Variants in RBFOX1 observed in about 807,000 individuals in gnomAD.
The protein encoded by RBFOX1 is RNA binding protein fox-1 homolog 1.
A neutral mutation model predicts 57.7 loss-of-function variants in RBFOX1; 8 were observed. The observed-to-expected ratio is 0.14, with a 90% confidence interval of 0.08 to 0.25. The LOEUF (loss-of-function observed/expected upper bound fraction) is 0.25. Ranked by LOEUF, RBFOX1 falls within the 10% of genes least tolerant of loss-of-function variation. The probability of loss-of-function intolerance (pLI) is 1.00; values close to 1 mark genes in which losing one functional copy is unlikely to be tolerated. For missense variants in RBFOX1, 611 were observed against 548.5 expected, an observed-to-expected ratio of 1.11 and a Z score of -1.14; for synonymous variants, 326 against 222.4, an observed-to-expected ratio of 1.47 and a Z score of -4.15.
intron 1 of RBFOX1, among the ~76,000 whole-genome samples, chr16:6,090,446 G>A (rs2096154930): frequency 6.6e-6 from 1 of 152,172 alleles, no homozygotes; most frequent in Non-Finnish European, 1.5e-5. Context: ...TTAGGTTAAT[G>A]TGCTACAGCT....
chr16:6,066,606 C>T (rs931180010), intron 1 of RBFOX1, among the ~76,000 whole-genome samples: 1 of 152,110 alleles, frequency 6.6e-6, no homozygotes, highest in Non-Finnish European at 1.5e-5. Flanking sequence ...CGATTTTTGA[C>T]AGCAGGAACT....
At chr16:5,928,152 G>A (rs181750039) in intron 4 of RBFOX1, among the ~76,000 whole-genome samples, 1 of 152,152 alleles carries the variant, frequency 6.6e-6, no homozygotes, top group Admixed American at 6.5e-5. Flanking sequence ...GGAGAACAGT[G>A]GTGTGATCAC....
At chr16:6,143,417 A>G (rs2096733774) in intron 1 of RBFOX1, among the ~76,000 whole-genome samples, 1 of 152,200 alleles carries the variant, frequency 6.6e-6, no homozygotes. Flanking sequence ...TCAAATCACA[A>G]TGCATTACTG....
intron 3 of RBFOX1, among the ~76,000 whole-genome samples, chr16:5,640,546 A>G (rs1440310435): frequency 1.3e-5 from 2 of 151,288 alleles, no homozygotes; most frequent in Non-Finnish European, 2.9e-5. Flanking sequence ...ACATGCACAT[A>G]CATGCATGCC....
rs144279927 is a variant in RBFOX1, at chr16:6,562,406, T to G, written c.-63-92197T>G. On this transcript the variant is annotated intron_variant, in intron 2 of 15. Transcript: ENST00000550418. The stretch of plus-strand genomic sequence containing the variant: ...GTGTATCACTCTTCAGAGCACATAT[T>G]GAATATTTAATAGGCATCATCAACT... 2.2e-3 allele frequency among the ~76,000 whole-genome samples: 338 copies of G among 152,362 alleles called. 1 individual carries two copies. The highest frequency in any genetic ancestry group is 7.8e-3 in the African/African-American group (325 of 41,578).
intron 4 of RBFOX1, among the ~76,000 whole-genome samples, chr16:5,930,174 C>A (rs2059019306): frequency 6.7e-6 from 1 of 149,714 alleles, no homozygotes; most frequent in Admixed American, 6.7e-5. Flanking sequence ...GACAGAAACT[C>A]AACACCAAAT....
intron 3 of RBFOX1, among the ~76,000 whole-genome samples, chr16:5,714,123 C>T (rs553469612): frequency 6.6e-6 from 1 of 152,200 alleles, no homozygotes; most frequent in Non-Finnish European, 1.5e-5. Context: ...TCTTGCATTT[C>T]CACCATATCT....
chr16:7,454,664 G>T (rs758039474), intron 4 of RBFOX1, among the ~76,000 whole-genome samples: 1 of 152,176 alleles, frequency 6.6e-6, no homozygotes, highest in Non-Finnish European at 1.5e-5. Flanking sequence ...CAAACATTTG[G>T]ATAGAACTTG....
intron 1 of RBFOX1, among the ~76,000 whole-genome samples, chr16:6,048,726 T>G (rs536398537): frequency 6.6e-6 from 1 of 152,290 alleles, no homozygotes; most frequent in Non-Finnish European, 1.5e-5. Flanking sequence ...GAAGGATAGT[T>G]GCAACAGCTT....
chr16:6,641,498 G>T (rs9930637), intron 2 of RBFOX1, among the ~76,000 whole-genome samples: 38,033 of 151,660 alleles, frequency 0.25, 4,933 homozygotes, highest in Admixed American at 0.3. Flanking sequence ...ACTTTGGGAG[G>T]CCGAGGCGGG....
intron 2 of RBFOX1, among the ~76,000 whole-genome samples, chr16:6,625,657 C>G (rs1428722769): frequency 6.6e-6 from 1 of 152,152 alleles, no homozygotes; most frequent in African/African-American, 2.4e-5. Flanking sequence ...GCCCCCGCCC[C>G]AAGAAATGCA....
At chr16:6,880,331 G>A (rs1027020075) in intron 3 of RBFOX1, among the ~76,000 whole-genome samples, 4 of 152,194 alleles carry the variant, frequency 2.6e-5, no homozygotes, top group Non-Finnish European at 5.9e-5. Context: ...AGCCTCTGTT[G>A]TTCCTGACCA....
chr16:7,216,983 T>G (rs1158099424), intron 4 of RBFOX1, among the ~76,000 whole-genome samples: 3 of 112,620 alleles, frequency 2.7e-5, no homozygotes, highest in South Asian at 3.0e-4. Context: ...TACAGCAGGA[T>G]TTTCCTTCCT....
chr16:7,646,430 C>G (rs1280264242), intron 11 of RBFOX1, among the ~76,000 whole-genome samples: 3 of 152,208 alleles, frequency 2.0e-5, no homozygotes, highest in Non-Finnish European at 2.9e-5. Context: ...ATATTTCCTA[C>G]CATAAATTAC....
intron 4 of RBFOX1, among the ~76,000 whole-genome samples, chr16:7,086,229 T>G (rs1038020576): frequency 2.0e-5 from 3 of 152,164 alleles, no homozygotes; most frequent in South Asian, 2.1e-4. Flanking sequence ...AGGTTGACAT[T>G]TTGCCATGCG....
At chr16:6,454,160 A>C (rs953085710) in intron 2 of RBFOX1, among the ~76,000 whole-genome samples, 2 of 152,116 alleles carry the variant, frequency 1.3e-5, no homozygotes, top group Non-Finnish European at 2.9e-5. Context: ...CTCTTTAAAG[A>C]CCTTCTTTCC....
At chr16:7,547,316 C>T (rs1386243713) in intron 5 of RBFOX1, among the ~76,000 whole-genome samples, 1 of 152,214 alleles carries the variant, frequency 6.6e-6, no homozygotes, top group African/African-American at 2.4e-5. Flanking sequence ...CTTACAAAGT[C>T]TGTTTGTAAG....
At chr16:5,390,650 A>G (rs1274197623) in intron 1 of RBFOX1, among the ~76,000 whole-genome samples, 3 of 152,080 alleles carry the variant, frequency 2.0e-5, no homozygotes, top group East Asian at 1.9e-4. Flanking sequence ...AGCCAGGCGA[A>G]TCTCCCTCAT....
chr16:7,131,141 T>A (rs2070242025), intron 4 of RBFOX1, among the ~76,000 whole-genome samples: 1 of 151,952 alleles, frequency 6.6e-6, no homozygotes, highest in South Asian at 2.1e-4. Context: ...GGCCAGGAGT[T>A]CGAAACAAGC....
Sources: allele counts gnomAD v4.1 joint callset (sites outside exome capture counted in the v4.1 genomes callset), GRCh38; gene constraint gnomAD v4.1.1; transcripts MANE v1.5; gene names NCBI Gene and HGNC (gene_info 2026-07-23, HGNC 2026-07-21).